The following REDIC1 variants were observed in gnomAD, a reference collection of about 807,000 sequenced individuals.
The protein encoded by REDIC1 is regulator of DNA class I crossover intermediates 1.
the REDIC1 span, among the ~76,000 whole-genome samples, chr12:39,649,871 A>G: frequency 6.6e-6 from 1 of 152,032 alleles, no homozygotes; most frequent in African/African-American, 2.4e-5. Flanking sequence ...TGAGACAAGT[A>G]TAGCTCTTTT....
chr12:39,697,845 CGAAAT>C, the REDIC1 span, among the ~76,000 whole-genome samples: 1 of 151,972 alleles, frequency 6.6e-6, no homozygotes, highest in African/African-American at 2.4e-5. Context: ...GAAGGAAAGA[CGAAAT>C]GACCACAAAA....
At chr12:39,792,548 A>C in the REDIC1 span, among the ~76,000 whole-genome samples, 1 of 152,134 alleles carries the variant, frequency 6.6e-6, no homozygotes, top group Non-Finnish European at 1.5e-5. Context: ...TGGGCAGCAC[A>C]ATTCTAGATA....
At chr12:39,661,772 T>A in the REDIC1 span, among the ~76,000 whole-genome samples, 1 of 152,132 alleles carries the variant, frequency 6.6e-6, no homozygotes, top group African/African-American at 2.4e-5. Flanking sequence ...CTTCTAATAG[T>A]TTTATTGTTT....
chr12:39,744,676 T>G, the REDIC1 span, among the ~76,000 whole-genome samples: 1 of 152,054 alleles, frequency 6.6e-6, no homozygotes, highest in Non-Finnish European at 1.5e-5. Context: ...TAAAGAAATA[T>G]AACTGAAATA....
chr12:39,900,914 C>A, the REDIC1 span, among the ~76,000 whole-genome samples: 1 of 152,194 alleles, frequency 6.6e-6, no homozygotes, highest in Non-Finnish European at 1.5e-5. Context: ...AAGCTGGAGG[C>A]ATCACGCTAC....
the REDIC1 span, chr12:39,640,844 G>T: frequency 1.6e-6 from 1 of 624,568 alleles, no homozygotes; most frequent in Non-Finnish European, 2.7e-6. Context: ...AAAATGCAAT[G>T]ATACTACACT....
the REDIC1 span, chr12:39,682,584 C>T: frequency 2.0e-6 from 3 of 1,474,502 alleles, no homozygotes; most frequent in Non-Finnish European, 2.7e-6. Flanking sequence ...GCTTTTCTTG[C>T]TAAATATGTT....
the REDIC1 span, among the ~76,000 whole-genome samples, chr12:39,634,941 A>G: frequency 6.6e-6 from 1 of 151,444 alleles, no homozygotes; most frequent in African/African-American, 2.4e-5. Flanking sequence ...AATTTACAAG[A>G]AAAAAAAACA....
the REDIC1 span, among the ~76,000 whole-genome samples, chr12:39,784,767 CT>C: frequency 1.3e-5 from 2 of 152,276 alleles, no homozygotes; most frequent in South Asian, 2.1e-4. Context: ...GCAAAAGAAA[CT>C]ACCATCAGAG....
chr12:39,659,804 T>C, the REDIC1 span, among the ~76,000 whole-genome samples: 1 of 152,202 alleles, frequency 6.6e-6, no homozygotes, highest in Non-Finnish European at 1.5e-5. Flanking sequence ...CTGGTAATTT[T>C]GTTGGATTCT....
the REDIC1 span, among the ~76,000 whole-genome samples, chr12:39,682,171 A>G: frequency 6.6e-6 from 1 of 152,160 alleles, no homozygotes; most frequent in Non-Finnish European, 1.5e-5. Flanking sequence ...GTTGAAAAAT[A>G]TGTTATAATG....
At chr12:39,753,480 C>A in the REDIC1 span, among the ~76,000 whole-genome samples, 1 of 152,084 alleles carries the variant, frequency 6.6e-6, no homozygotes, top group African/African-American at 2.4e-5. Flanking sequence ...TTGTTCTTTT[C>A]ATCAACTGCC....
chr12:39,820,375 T>C, the REDIC1 span, among the ~76,000 whole-genome samples: 1 of 152,214 alleles, frequency 6.6e-6, no homozygotes, highest in African/African-American at 2.4e-5. Context: ...GTTTTCAAAC[T>C]GTAGGAATTG....
At chr12:39,780,172 A>G in the REDIC1 span, among the ~76,000 whole-genome samples, 1 of 152,168 alleles carries the variant, frequency 6.6e-6, no homozygotes, top group East Asian at 1.9e-4. Context: ...TGACAATTCA[A>G]AGCAATAGCA....
At chr12:39,837,897 T>C in the REDIC1 span, among the ~76,000 whole-genome samples, 1 of 151,188 alleles carries the variant, frequency 6.6e-6, no homozygotes, top group African/African-American at 2.4e-5. Flanking sequence ...TTGGTGGGAC[T>C]GTAAACTAGT....
At chr12:39,831,995 T>C in the REDIC1 span, among the ~76,000 whole-genome samples, 1 of 152,112 alleles carries the variant, frequency 6.6e-6, no homozygotes, top group Non-Finnish European at 1.5e-5. Flanking sequence ...GTTTAAAAAT[T>C]AGATTTGTTA....
chr12:39,735,260 A>G, the REDIC1 span, among the ~76,000 whole-genome samples: 2 of 152,226 alleles, frequency 1.3e-5, no homozygotes, highest in East Asian at 1.9e-4. Context: ...TAGTGTAACT[A>G]TATGCCCCTA....
the REDIC1 span, chr12:39,716,724 C>T: frequency 6.9e-7 from 1 of 1,454,438 alleles, no homozygotes; most frequent in Non-Finnish European, 9.5e-7. Flanking sequence ...TTCATAAATA[C>T]CATTATTCAT....
At chr12:39,717,152 A>T in the REDIC1 span, among the ~76,000 whole-genome samples, 31 of 150,320 alleles carry the variant, frequency 2.1e-4, no homozygotes, top group East Asian at 5.5e-3. Flanking sequence ...TGTTATATAT[A>T]TACACACATA....
Sources: allele counts gnomAD v4.1 joint callset (sites outside exome capture counted in the v4.1 genomes callset), GRCh38; gene constraint gnomAD v4.1.1; transcripts MANE v1.5; gene names NCBI Gene and HGNC (gene_info 2026-07-23, HGNC 2026-07-21).